CRKL: variants seen among roughly 807,000 people sequenced by gnomAD.
CRKL encodes the protein CRK like proto-oncogene, adaptor protein.
In CRKL, 3 loss-of-function variants were observed where a neutral mutation model predicts 23.0. That is an observed-to-expected ratio of 0.13 (90% CI 0.06 to 0.34). CRKL has a LOEUF of 0.34. CRKL is among the 10% of genes least tolerant of loss of function. The pLI, the probability that CRKL is intolerant of heterozygous loss-of-function variation, is 1.00. For missense variants in CRKL, 256 were observed against 394.5 expected (o/e 0.65, Z 2.97); for synonymous variants, 188 against 160.7 (o/e 1.17, Z -1.28).
At chr22:20,927,512 C>CTGT (rs76277528) in intron 1 of CRKL, among the ~76,000 whole-genome samples, 2 of 53,844 alleles carry the variant, frequency 3.7e-5, no homozygotes, top group Admixed American at 2.2e-4. Context: ...AAGTTTTCTA[C>CTGT]CTTTTTTTTT....
In CRKL at chr22:20,917,723, T is replaced by TCTCCGTGTGGCGGCCCC; in HGVS notation, c.-211_-195dup. 1.7e-6 allele frequency: 1 copy of TCTCCGTGTGGCGGCCCC among 589,970 alleles called. No homozygotes were observed. The highest frequency in any genetic ancestry group is 2.9e-6 in the Non-Finnish European group (1 of 339,758). The allele number at this position is 589,970 out of a possible 1,614,324, so 36.5% of individuals were successfully genotyped here. A position where few individuals can be genotyped will look rare whatever the true frequency, so the allele number is the denominator to read the frequency against. On this transcript the variant is annotated 5_prime_UTR_variant, in exon 1 of 3. Transcript: ENST00000354336. ...TCTGCCGTGCATTCCCGGGCGGCTC[T>TCTCCGTGTGGCGGCCCC]CTCCGTGTGGCGGCCCCGGAGCAGG... is the stretch of plus-strand genomic sequence containing the variant.
At chr22:20,927,842 C>CAAAAAA (rs796204860) in intron 1 of CRKL, among the ~76,000 whole-genome samples, 16 of 56,244 alleles carry the variant, frequency 2.8e-4, no homozygotes, top group Non-Finnish European at 3.8e-4. Flanking sequence ...GACTCTGTCT[C>CAAAAAA]AAAAAAAAAA....
At chr22:20,944,252 G>T (rs1921978040) in intron 2 of CRKL, among the ~76,000 whole-genome samples, 1 of 148,966 alleles carries the variant, frequency 6.7e-6, no homozygotes, top group Admixed American at 6.8e-5. Flanking sequence ...GCCTCCCAAA[G>T]TGCTGGCATT....
intron 1 of CRKL, among the ~76,000 whole-genome samples, chr22:20,928,591 T>C (rs1293576678): frequency 2.6e-4 from 40 of 152,086 alleles, no homozygotes; most frequent in Admixed American, 2.6e-3. Context: ...GGTGGGAAGA[T>C]TGCTTGAGCT....
intron 2 of CRKL, among the ~76,000 whole-genome samples, chr22:20,938,732 A>G (rs979611035): frequency 2.6e-5 from 4 of 152,174 alleles, no homozygotes. Flanking sequence ...TCTGACTAAA[A>G]CGGAAGAAAT....
chr22:20,947,814 A>C (rs886818891), intron 2 of CRKL, among the ~76,000 whole-genome samples: 1 of 147,670 alleles, frequency 6.8e-6, no homozygotes, highest in Non-Finnish European at 1.5e-5. Flanking sequence ...CATTCTCCCA[A>C]GTAGCTGGGA....
intron 2 of CRKL, among the ~76,000 whole-genome samples, chr22:20,944,916 C>A (rs1922003207): frequency 1.0e-5 from 1 of 97,136 alleles, no homozygotes; most frequent in Non-Finnish European, 2.2e-5. Flanking sequence ...GGGGTTTTAC[C>A]ATGTTGCCCA....
At chr22:20,931,842 C>A (rs182082035) in intron 1 of CRKL, among the ~76,000 whole-genome samples, 1 of 151,946 alleles carries the variant, frequency 6.6e-6, no homozygotes, top group Non-Finnish European at 1.5e-5. Context: ...GACGGAGTCT[C>A]GCTCTGTCAC....
chr22:20,921,737 CGG>C (rs1007955478), intron 1 of CRKL, among the ~76,000 whole-genome samples: 5 of 150,650 alleles, frequency 3.3e-5, no homozygotes, highest in Admixed American at 6.6e-5. Flanking sequence ...TTTCTTGAGA[CGG>C]AGTCTTGCTC....
chr22:20,925,632 C>T (rs1247207450), intron 1 of CRKL, among the ~76,000 whole-genome samples: 1 of 152,226 alleles, frequency 6.6e-6, no homozygotes. Flanking sequence ...GAGCTAAAAT[C>T]ATAACAAGTT....
rs2147891188 is a variant in CRKL, at chr22:20,917,927, C to T, written c.-8C>T. On this transcript the variant is annotated 5_prime_UTR_variant, in exon 1 of 3. Coordinates refer to ENST00000354336, the MANE Select transcript of CRKL (RefSeq NM_005207.4). ...CCCCTACCGCCGCAGAGTCCCCGGTCCAACACCATGTCCTCCGCCAGGTTC... is the reference window on the plus strand; with the variant it reads ...CCCCTACCGCCGCAGAGTCCCCGGTTCAACACCATGTCCTCCGCCAGGTTC... 2 of 1,612,284 alleles carry T rather than the reference C, an allele frequency of 1.2e-6. No individual in the cohort carries two copies. The highest frequency in any genetic ancestry group is 1.7e-6 in the Non-Finnish European group (2 of 1,179,342).
intron 1 of CRKL, among the ~76,000 whole-genome samples, chr22:20,931,625 C>G (rs1042912134): frequency 6.6e-6 from 1 of 152,058 alleles, no homozygotes; most frequent in African/African-American, 2.4e-5. Context: ...GAGTGCAAGT[C>G]TAACCTCTTC....
chr22:20,939,407 ATT>A (rs11327549), intron 2 of CRKL, among the ~76,000 whole-genome samples: 3 of 149,790 alleles, frequency 2.0e-5, no homozygotes, highest in South Asian at 2.1e-4. Context: ...CGCCCGGCTA[ATT>A]TTTTTTTTTG....
rs918636951 is a variant in CRKL, at chr22:20,952,195, C to T, written c.*2350C>T. ...CCAGATTTAGCTGAAGGGCTTGACA[C>T]CTTTGAATTACAGCAGTTGACTCAG... On this transcript the variant is annotated 3_prime_UTR_variant, in exon 3 of 3. Coordinates refer to ENST00000354336, the MANE Select transcript of CRKL (RefSeq NM_005207.4). The T allele has an allele frequency of 4.4e-6, 1 of 228,346 alleles. No homozygotes were observed. Among genetic ancestry groups the T allele is most frequent in the African/African-American group, 2.3e-5 (1 of 43,734 alleles). The allele number at this position is 228,346 out of a possible 1,614,324, so 14.1% of individuals were successfully genotyped here. A position where few individuals can be genotyped will look rare whatever the true frequency, so the allele number is the denominator to read the frequency against.
intron 2 of CRKL, among the ~76,000 whole-genome samples, chr22:20,947,906 ACTC>A (rs1328576246): frequency 6.7e-6 from 1 of 149,926 alleles, no homozygotes; most frequent in Non-Finnish European, 1.5e-5. Flanking sequence ...CTGGTCTTGA[ACTC>A]CTGGGCTCAA....
At chr22:20,926,899 C>G (rs1601675295) in intron 1 of CRKL, among the ~76,000 whole-genome samples, 1 of 151,820 alleles carries the variant, frequency 6.6e-6, no homozygotes, top group Non-Finnish European at 1.5e-5. Context: ...ATTGCCTGAG[C>G]TCATGCGTTC....
chr22:20,929,883 G>A (rs1180412750), intron 1 of CRKL, among the ~76,000 whole-genome samples: 1 of 152,134 alleles, frequency 6.6e-6, no homozygotes, highest in African/African-American at 2.4e-5. Context: ...TAGACAGTGG[G>A]GTCTAATGGA....
rs574292658 is a variant in CRKL at position 20,949,514 on chromosome 22, A to C, written c.778-197A>C. Among the ~76,000 whole-genome samples, 3 of 152,338 alleles carry C rather than the reference A, an allele frequency of 2.0e-5. No homozygotes were observed. In the East Asian group the frequency reaches 5.8e-4, roughly 29 times the overall value. On this transcript the variant is annotated intron_variant, in intron 2 of 2. Transcript: ENST00000354336. The stretch of plus-strand genomic sequence containing the variant: ...CTATTCAAGAGGTGGAGGTGGAAGG[A>C]TCACTTGAGCCCAGGCGTTAGAGGT...
intron 1 of CRKL, among the ~76,000 whole-genome samples, chr22:20,931,690 T>C (rs915256155): frequency 6.6e-6 from 1 of 152,222 alleles, no homozygotes; most frequent in Non-Finnish European, 1.5e-5. Context: ...TCACAGACTA[T>C]TAAATAATCC....
Sources: gnomAD v4.1 joint callset for allele counts (sites outside exome capture counted in the v4.1 genomes callset) on GRCh38, gnomAD v4.1.1 for gene constraint, MANE v1.5 for transcripts, NCBI Gene and HGNC (gene_info 2026-07-23, HGNC 2026-07-21) for gene names.